ZFHX3: variants seen among roughly 807,000 people sequenced by gnomAD.
The protein encoded by ZFHX3 is zinc finger homeobox protein 3.
In ZFHX3, 42 loss-of-function variants were observed where a neutral mutation model predicts 279.1. That is an observed-to-expected ratio of 0.15 (90% CI 0.12 to 0.19). The LOEUF (loss-of-function observed/expected upper bound fraction) is 0.19. Among genes scored for constraint, ZFHX3 ranks in the 10% least tolerant of loss-of-function variants. The probability of loss-of-function intolerance (pLI) is 1.00; values close to 1 mark genes in which losing one functional copy is unlikely to be tolerated. For missense variants in ZFHX3, 4,981 were observed against 4,754.0 expected, an observed-to-expected ratio of 1.05 and a Z score of -1.40; for synonymous variants, 2,293 against 1,957.8, an observed-to-expected ratio of 1.17 and a Z score of -4.52.
chr16:73,016,789 C>T (rs1020651584), intron 1 of ZFHX3, among the ~76,000 whole-genome samples: 1 of 151,992 alleles, frequency 6.6e-6, no homozygotes, highest in Non-Finnish European at 1.5e-5. Context: ...GATGTGGATT[C>T]GCACCCTGGT....
chr16:73,478,286 G>C (rs1468157085), intron 2 of ZFHX3, among the ~76,000 whole-genome samples: 13 of 129,782 alleles, frequency 1.0e-4, no homozygotes, highest in South Asian at 2.4e-4. Context: ...AAAAAAAAAA[G>C]TCAGAATTAG....
At chr16:73,203,270 A>G (rs906021205) in intron 5 of ZFHX3, among the ~76,000 whole-genome samples, 4 of 152,198 alleles carry the variant, frequency 2.6e-5, no homozygotes, top group African/African-American at 9.7e-5. Context: ...GGGTGGAGAG[A>G]TAAATGGCTG....
chr16:73,781,648 T>C (rs1003317738), intron 1 of ZFHX3, among the ~76,000 whole-genome samples: 2 of 152,140 alleles, frequency 1.3e-5, no homozygotes, highest in African/African-American at 4.8e-5. Flanking sequence ...GCCAGAGTCA[T>C]AGGAACTTAG....
chr16:73,391,730 G>A lies in ZFHX3; in HGVS notation c.-1291+64273C>T, dbSNP rs77213286. Reference sequence around the variant, plus strand: ...ATCTGGAAGCAACAGCTGGGCTCCAGGCTTAGAGATCAACCAGTGCCAAGG... The same window carrying A: ...ATCTGGAAGCAACAGCTGGGCTCCAAGCTTAGAGATCAACCAGTGCCAAGG... On this transcript the variant is annotated intron_variant, in intron 3 of 17. Transcript: ENST00000641206. Among the ~76,000 whole-genome samples, 1,136 of 152,238 alleles carry A rather than the reference G, an allele frequency of 7.5e-3. 11 individuals carry two copies. The highest frequency in any genetic ancestry group is 0.026 in the African/African-American group (1,065 of 41,532).
intron 1 of ZFHX3, among the ~76,000 whole-genome samples, chr16:73,729,072 T>C (rs891593741): frequency 6.6e-6 from 1 of 152,078 alleles, no homozygotes; most frequent in African/African-American, 2.4e-5. Context: ...GACATAGAGA[T>C]AAACATCTTT....
intron 2 of ZFHX3, among the ~76,000 whole-genome samples, chr16:73,561,171 A>T (rs530058318): frequency 6.6e-6 from 1 of 152,304 alleles, no homozygotes; most frequent in East Asian, 1.9e-4. Context: ...GCTGCACCAG[A>T]TTTGAACCAG....
At position 73,611,067 on chromosome 16, in the gene ZFHX3, T is replaced by C. The variant is rs996225710; in HGVS notation, c.-1547+69113A>G. ...TCACCCCTGTGATAGGTCTCATAAA[T>C]CCAGATTAAACCTTTCTGTTTGTTT... On this transcript the variant is annotated intron_variant, in intron 2 of 17. Coordinates refer to the ZFHX3 transcript ENST00000641206. Among the ~76,000 whole-genome samples, 5 of 152,216 alleles carry C rather than the reference T, an allele frequency of 3.3e-5. No homozygotes were observed. The South Asian group carries it at 1.0e-3, about 31-fold the overall frequency.
intron 3 of ZFHX3, among the ~76,000 whole-genome samples, chr16:72,915,399 G>A (rs1487678323): frequency 1.3e-5 from 2 of 152,132 alleles, no homozygotes; most frequent in East Asian, 3.9e-4. Context: ...CAGTGTCCGG[G>A]ATCAGCGTGG....
At chr16:73,021,830 C>CAAAAA (rs60811631) in intron 1 of ZFHX3, among the ~76,000 whole-genome samples, 7 of 71,798 alleles carry the variant, frequency 9.7e-5, no homozygotes, top group East Asian at 3.9e-4. Flanking sequence ...GACTCCATCT[C>CAAAAA]AAAAAAAAAA....
intron 3 of ZFHX3, among the ~76,000 whole-genome samples, chr16:73,320,370 G>A (rs1223940049): frequency 6.6e-6 from 1 of 152,142 alleles, no homozygotes; most frequent in East Asian, 1.9e-4. Flanking sequence ...AAGCACGAAT[G>A]CCACTTAAAT....
chr16:72,916,171 C>T (rs978114745), intron 3 of ZFHX3, among the ~76,000 whole-genome samples: 1 of 152,238 alleles, frequency 6.6e-6, no homozygotes, highest in Non-Finnish European at 1.5e-5. Context: ...TGACTCTTCA[C>T]TTCCCCCCCC....
chr16:73,574,515 G>T (rs1256583528), intron 2 of ZFHX3, among the ~76,000 whole-genome samples: 1 of 152,146 alleles, frequency 6.6e-6, no homozygotes, highest in South Asian at 2.1e-4. Context: ...CCAGGTACTT[G>T]TACATTTAAA....
intron 2 of ZFHX3, among the ~76,000 whole-genome samples, chr16:73,475,044 C>G (rs2018741148): frequency 6.6e-6 from 1 of 152,132 alleles, no homozygotes; most frequent in Non-Finnish European, 1.5e-5. Context: ...CTCATCCTGT[C>G]TCCCTCCCTC....
At chr16:73,606,080 G>A (rs1017467686) in intron 2 of ZFHX3, among the ~76,000 whole-genome samples, 1 of 148,718 alleles carries the variant, frequency 6.7e-6, no homozygotes, top group Non-Finnish European at 1.5e-5. Context: ...CTATTTGGGA[G>A]GCTGAGGTGG....
At chr16:73,523,665 G>T (rs1031312022) in intron 2 of ZFHX3, among the ~76,000 whole-genome samples, 16 of 151,126 alleles carry the variant, frequency 1.1e-4, no homozygotes, top group African/African-American at 1.5e-4. Flanking sequence ...GGAAAGAAAG[G>T]CAAATAAAGA....
chr16:73,426,494 C>A (rs1478510402), intron 3 of ZFHX3, among the ~76,000 whole-genome samples: 1 of 151,928 alleles, frequency 6.6e-6, no homozygotes, highest in East Asian at 1.9e-4. Context: ...ATTATGAAAA[C>A]CATTCTCATA....
At chr16:72,927,782 G>C (rs576584894) in intron 3 of ZFHX3, among the ~76,000 whole-genome samples, 1 of 151,918 alleles carries the variant, frequency 6.6e-6, no homozygotes, top group Non-Finnish European at 1.5e-5. Flanking sequence ...TGAGGCCTCC[G>C]GAGTGTACAC....
intron 1 of ZFHX3, among the ~76,000 whole-genome samples, chr16:73,713,726 T>C (rs960014556): frequency 2.0e-5 from 3 of 152,072 alleles, no homozygotes; most frequent in African/African-American, 7.2e-5. Flanking sequence ...ATTCCATTGA[T>C]CTCAGGCTGT....
intron 1 of ZFHX3, among the ~76,000 whole-genome samples, chr16:73,771,621 G>A (rs78106318): frequency 0.033 from 4,954 of 151,966 alleles, 258 homozygotes; most frequent in African/African-American, 0.11. Context: ...TTATTTCACA[G>A]GACATAAGAG....
Sources: allele counts gnomAD v4.1 joint callset (sites outside exome capture counted in the v4.1 genomes callset), GRCh38; gene constraint gnomAD v4.1.1; transcripts MANE v1.5; gene names NCBI Gene and HGNC (gene_info 2026-07-23, HGNC 2026-07-21).